Variants in AKAP7 observed in about 807,000 individuals in gnomAD.
AKAP7 encodes the protein A kinase (PRKA) anchor protein 7.
A neutral mutation model predicts 39.5 loss-of-function variants in AKAP7; 39 were observed. That is an observed-to-expected ratio of 0.99 (90% confidence interval 0.76 to 1.29). The LOEUF is 1.29. Among genes scored for constraint, AKAP7 ranks in the 50% most tolerant of loss-of-function variants. The pLI, the probability that AKAP7 is intolerant of heterozygous loss-of-function variation, is 0.00. For missense variants in AKAP7, 414 were observed against 407.7 expected (o/e 1.02, Z -0.13); for synonymous variants, 140 against 139.1 (o/e 1.01, Z -0.05).
At position 131,135,547 on chromosome 6, in the gene AKAP7, G is replaced by GCC; in HGVS notation, c.-217_-216insCC. On this transcript the variant is annotated 5_prime_UTR_variant, in exon 1 of 8. Transcript: ENST00000431975. ...CGCCGCCGCTGCTGCCGCTGCCGCGGGGGCTGCGGCTTGGGAAGCTCCGCG... is the reference window on the plus strand; with the variant it reads ...CGCCGCCGCTGCTGCCGCTGCCGCGGCCGGGCTGCGGCTTGGGAAGCTCCGCG... The GCC allele has an allele frequency of 5.1e-6, 1 of 197,558 alleles. No individual in the cohort carries two copies. 12.2% of individuals were successfully genotyped at this position (197,558 alleles called of 1,614,324 possible).
chr6:131,261,785 G>T (rs1562251211), intron 7 of AKAP7, among the ~76,000 whole-genome samples: 1 of 152,024 alleles, frequency 6.6e-6, no homozygotes, highest in Non-Finnish European at 1.5e-5. Context: ...AAAACATTGT[G>T]GGGGGGAAAT....
At chr6:131,127,115 G>A in the AKAP7 span, among the ~76,000 whole-genome samples, 9 of 151,830 alleles carry the variant, frequency 5.9e-5, no homozygotes, top group East Asian at 1.2e-3. Context: ...GCGCGATCTC[G>A]GCTCACTGTA....
rs76918828 is a variant in AKAP7, at chr6:131,169,391, T to G, written c.589+118T>G. On this transcript the variant is annotated intron_variant, in intron 5 of 7. Coordinates refer to ENST00000431975, the MANE Select transcript of AKAP7 (RefSeq NM_016377.4). ...AAAGATGATGGACTAGACTCAAGTA[T>G]TTTTTAGGACTGTCCCAATCATAAG... 1.2e-3 allele frequency: 1,336 copies of G among 1,127,834 alleles called. 14 individuals carry two copies. In the African/African-American group the frequency reaches 0.019, roughly 16 times the overall value. The allele number at this position is 1,127,834 out of a possible 1,614,324, so 69.9% of individuals were successfully genotyped here. A position where few individuals can be genotyped will look rare whatever the true frequency, so the allele number is the denominator to read the frequency against.
At chr6:131,149,542 G>A (rs530410204) in intron 2 of AKAP7, among the ~76,000 whole-genome samples, 18 of 152,344 alleles carry the variant, frequency 1.2e-4, no homozygotes, top group Admixed American at 5.9e-4. Context: ...GGCCGAGGCC[G>A]GAGGATTGCT....
At chr6:131,240,586 C>T (rs1337999023) in intron 7 of AKAP7, among the ~76,000 whole-genome samples, 1 of 152,222 alleles carries the variant, frequency 6.6e-6, no homozygotes, top group African/African-American at 2.4e-5. Context: ...CTTTGTTTAC[C>T]TACTCAAGCC....
Position 131,135,582 on chromosome 6 carries a change from G to C in AKAP7, c.-182G>C. On this transcript the variant is annotated 5_prime_UTR_variant, in exon 1 of 8. Transcript: ENST00000431975. ...CTTGGGAAGCTCCGCGCTTCCGCAG[G>C]CCTGGCCTCCGCCGCCCGGGCCCCC... 2.8e-6 allele frequency: 1 copy of C among 357,946 alleles called. No homozygotes were observed. Among genetic ancestry groups the C allele is most frequent in the Non-Finnish European group, 3.9e-6 (1 of 255,726 alleles). 22.2% of individuals were successfully genotyped at this position (357,946 alleles called of 1,614,324 possible).
At chr6:131,153,662 TG>T (rs1217135919) in intron 2 of AKAP7, among the ~76,000 whole-genome samples, 36 of 152,190 alleles carry the variant, frequency 2.4e-4, no homozygotes, top group Non-Finnish European at 1.5e-4. Flanking sequence ...AACAACGTAG[TG>T]TCAGTGGTCT....
At chr6:131,246,742 T>C (rs1812037306) in intron 7 of AKAP7, among the ~76,000 whole-genome samples, 2 of 152,218 alleles carry the variant, frequency 1.3e-5, no homozygotes, top group Non-Finnish European at 2.9e-5. Context: ...GCAGCATTAG[T>C]AAAGGGATTT....
the AKAP7 span, among the ~76,000 whole-genome samples, chr6:131,130,265 C>T: frequency 2.6e-5 from 4 of 152,228 alleles, no homozygotes; most frequent in African/African-American, 9.6e-5. Context: ...GCTCAACCTG[C>T]TCTACTCTTA....
intron 5 of AKAP7, among the ~76,000 whole-genome samples, chr6:131,181,980 G>A (rs1805301869): frequency 1.3e-5 from 2 of 152,014 alleles, no homozygotes; most frequent in East Asian, 1.9e-4. Context: ...AAAAACATTA[G>A]CCAGGCATGG....
intron 6 of AKAP7, among the ~76,000 whole-genome samples, chr6:131,213,231 C>G (rs1441268163): frequency 3.3e-5 from 5 of 152,106 alleles, no homozygotes; most frequent in Non-Finnish European, 7.3e-5. Context: ...CCAAACAGCC[C>G]CATTCTCCTG....
chr6:131,244,390 CAATA>C lies in AKAP7; in HGVS notation c.850+24585_850+24588del, dbSNP rs1447170701. 2.0e-5 allele frequency among the ~76,000 whole-genome samples: 3 copies of C among 152,140 alleles called. No individual in the cohort carries two copies. The East Asian group carries it at 5.8e-4, about 29-fold the overall frequency. Reference sequence around the variant, plus strand: ...ATCATATTAGCTCATAGTATGTGTTCAATAAACAGTGGATGGAATTAAACTGATA... The same window carrying C: ...ATCATATTAGCTCATAGTATGTGTTCAACAGTGGATGGAATTAAACTGATA... On this transcript the variant is annotated intron_variant, in intron 7 of 7. Transcript: ENST00000431975.
At chr6:131,269,736 C>G (rs911963435) in intron 7 of AKAP7, among the ~76,000 whole-genome samples, 4 of 152,148 alleles carry the variant, frequency 2.6e-5, no homozygotes, top group African/African-American at 9.7e-5. Context: ...GTCTGATACA[C>G]TGAAGGGGAG....
chr6:131,144,549 A>G (rs1014816591), intron 1 of AKAP7, among the ~76,000 whole-genome samples: 2 of 152,234 alleles, frequency 1.3e-5, no homozygotes, highest in African/African-American at 4.8e-5. Context: ...TTATAATGGC[A>G]CTGGGGAGAC....
At chr6:131,206,786 C>CATCCATCT (rs1554211726) in intron 6 of AKAP7, among the ~76,000 whole-genome samples, 2 of 151,196 alleles carry the variant, frequency 1.3e-5, no homozygotes, top group Non-Finnish European at 3.0e-5. Flanking sequence ...TCCATCCATC[C>CATCCATCT]ATCTATCTAT....
At chr6:131,256,321 T>C (rs1373253376) in intron 7 of AKAP7, among the ~76,000 whole-genome samples, 1 of 152,216 alleles carries the variant, frequency 6.6e-6, no homozygotes, top group African/African-American at 2.4e-5. Flanking sequence ...GGCTTATGTT[T>C]CTAAAATCAA....
chr6:131,209,543 C>T (rs1424604312), intron 6 of AKAP7, among the ~76,000 whole-genome samples: 1 of 152,160 alleles, frequency 6.6e-6, no homozygotes, highest in African/African-American at 2.4e-5. Context: ...AGCCACCACA[C>T]CCAGCCCGAT....
chr6:131,152,566 G>A (rs1208894482), intron 2 of AKAP7, among the ~76,000 whole-genome samples: 10 of 152,284 alleles, frequency 6.6e-5, no homozygotes, highest in Non-Finnish European at 1.5e-5. Flanking sequence ...GGTGGCTCAC[G>A]CCTGTAATCT....
intron 7 of AKAP7, among the ~76,000 whole-genome samples, chr6:131,266,684 T>TTTGTTGTTGTTG (rs368469383): frequency 6.7e-6 from 1 of 148,994 alleles, no homozygotes; most frequent in Non-Finnish European, 1.5e-5. Context: ...TGCAGGGGTT[T>TTTGTTGTTGTTG]TTGTTGTTGT....
Sources: allele counts gnomAD v4.1 joint callset (sites outside exome capture counted in the v4.1 genomes callset), GRCh38; gene constraint gnomAD v4.1.1; transcripts MANE v1.5; gene names NCBI Gene and HGNC (gene_info 2026-07-23, HGNC 2026-07-21).